The following PIBF1 variants were observed in gnomAD, a reference collection of about 807,000 sequenced individuals.
The protein encoded by PIBF1 is progesterone-induced-blocking factor 1.
A neutral mutation model predicts 112.5 loss-of-function variants in PIBF1; 90 were observed. The observed-to-expected ratio is 0.80, with a 90% CI of 0.67 to 0.95. PIBF1 has a LOEUF of 0.95. PIBF1 is among the 40% of genes least tolerant of loss of function. The probability of loss-of-function intolerance (pLI) is 0.00; values close to 1 mark genes in which losing one functional copy is unlikely to be tolerated. For synonymous variants in PIBF1, 301 were observed against 288.6 expected (o/e 1.04, Z -0.44); for missense variants, 915 against 852.3 (o/e 1.07, Z -0.92).
At chr13:72,835,461 C>A (rs373986227) in intron 9 of PIBF1, 93 bp downstream of exon 9, 3 of 921,958 alleles carry the variant, frequency 3.3e-6, no homozygotes, top group Non-Finnish European at 4.6e-6. Flanking sequence ...TATATAATGT[C>A]TTTTTTAATA....
chr13:72,894,106 G>A (rs1251656265), intron 11 of PIBF1, among the ~76,000 whole-genome samples, 157 bp downstream of exon 11: 2 of 142,500 alleles, frequency 1.4e-5, no homozygotes, highest in Non-Finnish European at 1.5e-5. Context: ...TCAGAAAGAT[G>A]TATACTGAAA....
At chr13:72,927,548 A>G (rs1446225015) in intron 13 of PIBF1, among the ~76,000 whole-genome samples, 1 of 152,020 alleles carries the variant, frequency 6.6e-6, no homozygotes, top group Non-Finnish European at 1.5e-5. Flanking sequence ...CACCACACCC[A>G]GATAATTTTC....
At chr13:72,886,049 T>C (rs2039837194) in intron 10 of PIBF1, among the ~76,000 whole-genome samples, 1 of 152,192 alleles carries the variant, frequency 6.6e-6, no homozygotes, top group Admixed American at 6.5e-5. Flanking sequence ...TTTTGCCTTT[T>C]ACAATATGTA....
chr13:72,791,041 G>T (rs1329488219), intron 2 of PIBF1, among the ~76,000 whole-genome samples: 2 of 111,576 alleles, frequency 1.8e-5, no homozygotes, highest in East Asian at 6.4e-4. Flanking sequence ...ATGTATTTTT[G>T]TTTGTTTGTT....
At chr13:72,998,214 C>G (rs1195228283) in intron 16 of PIBF1, among the ~76,000 whole-genome samples, 2 of 152,208 alleles carry the variant, frequency 1.3e-5, no homozygotes, top group African/African-American at 4.8e-5. Flanking sequence ...ATAGTCTACT[C>G]AGCGAATATA....
chr13:73,016,426 G>C lies in PIBF1; in HGVS notation c.*507G>C, dbSNP rs1022864138. 2 of 151,888 alleles carry C rather than the reference G, an allele frequency of 1.3e-5. No homozygotes were observed. The highest frequency in any genetic ancestry group is 2.9e-5 in the Non-Finnish European group (2 of 67,998). The allele number at this position is 151,888 out of a possible 1,614,324, so 9.4% of individuals were successfully genotyped here. A position where few individuals can be genotyped will look rare whatever the true frequency, so the allele number is the denominator to read the frequency against. On this transcript the variant is annotated 3_prime_UTR_variant, in exon 18 of 18. Transcript: ENST00000326291. Reference sequence around the variant, plus strand: ...ATATTACCATTAACCAATAAAATCTGGCAGAAAGTCTGCTATTCCATTGGT... The same window carrying C: ...ATATTACCATTAACCAATAAAATCTCGCAGAAAGTCTGCTATTCCATTGGT...
chr13:72,900,777 C>G (rs551974214), intron 11 of PIBF1, among the ~76,000 whole-genome samples: 1 of 152,268 alleles, frequency 6.6e-6, no homozygotes, highest in African/African-American at 2.4e-5. Context: ...AATTCCAGCA[C>G]TTTGGGAGGC....
At chr13:73,013,926 C>A (rs1327681674) in intron 17 of PIBF1, among the ~76,000 whole-genome samples, 1 of 152,096 alleles carries the variant, frequency 6.6e-6, no homozygotes, top group African/African-American at 2.4e-5. Context: ...CTGTACCCTG[C>A]AAAATTATTC....
Position 72,938,870 on chromosome 13 carries a change from A to G in PIBF1, c.1833+7603A>G, listed in dbSNP as rs535047193. On this transcript the variant is annotated intron_variant, in intron 14 of 17. Transcript: ENST00000326291. Reference sequence around the variant, plus strand: ...TAACTCTAGCCATCCTGGCAATTACAAAGTAGTATCTTCTAATGATTTTGC... The same window carrying G: ...TAACTCTAGCCATCCTGGCAATTACGAAGTAGTATCTTCTAATGATTTTGC... Among the ~76,000 whole-genome samples the G allele has an allele frequency of 2.0e-5, 3 of 152,292 alleles. No individual in the cohort carries two copies. The South Asian group carries it at 6.2e-4, about 32-fold the overall frequency.
intron 15 of PIBF1, among the ~76,000 whole-genome samples, chr13:72,968,009 C>A (rs1167218866): frequency 6.6e-6 from 1 of 151,932 alleles, no homozygotes; most frequent in African/African-American, 2.4e-5. Context: ...CACGGTGAAA[C>A]CCTGTCTCTA....
intron 14 of PIBF1, among the ~76,000 whole-genome samples, chr13:72,943,616 A>G (rs2042069271): frequency 6.6e-6 from 1 of 152,172 alleles, no homozygotes; most frequent in African/African-American, 2.4e-5. Context: ...GGCCAATTTG[A>G]TTCTAATCTA....
chr13:72,915,336 G>A (rs974201703), intron 12 of PIBF1, among the ~76,000 whole-genome samples: 2 of 152,020 alleles, frequency 1.3e-5, no homozygotes, highest in Non-Finnish European at 2.9e-5. Flanking sequence ...GTTGCCCTGC[G>A]CTCTGCTTCT....
At chr13:72,926,104 T>G (rs1194941802) in intron 13 of PIBF1, among the ~76,000 whole-genome samples, 2 of 152,216 alleles carry the variant, frequency 1.3e-5, no homozygotes, top group Non-Finnish European at 2.9e-5. Context: ...TTTGGTATCA[T>G]ATGAGGTAAG....
intron 12 of PIBF1, among the ~76,000 whole-genome samples, chr13:72,909,542 T>A (rs949941262): frequency 1.3e-5 from 2 of 151,828 alleles, no homozygotes; most frequent in African/African-American, 4.8e-5. Flanking sequence ...TTGCCCAGGC[T>A]GGATTGCAAC....
In PIBF1 at chr13:73,006,107, C is replaced by T. The variant is rs532885821; in HGVS notation, c.2223+7112C>T. Among the ~76,000 whole-genome samples the T allele has an allele frequency of 9.9e-5, 15 of 151,818 alleles. No homozygotes were observed. In the South Asian group the frequency reaches 2.9e-3, roughly 30 times the overall value. ...ATAATTTTTGTGTTTTTAGTAAAGA[C>T]GGGGTTTCACCATATTGGCCATGCT... On this transcript the variant is annotated intron_variant, in intron 17 of 17. Coordinates refer to ENST00000326291, the MANE Select transcript of PIBF1 (RefSeq NM_006346.4).
At chr13:72,798,812 G>A (rs533604218) in intron 5 of PIBF1, among the ~76,000 whole-genome samples, 1 of 152,266 alleles carries the variant, frequency 6.6e-6, no homozygotes, top group African/African-American at 2.4e-5. Flanking sequence ...AACACTTCTA[G>A]TTTACAAATG....
intron 9 of PIBF1, among the ~76,000 whole-genome samples, chr13:72,849,145 A>C (rs1273540812): frequency 3.3e-5 from 5 of 152,244 alleles, no homozygotes; most frequent in Non-Finnish European, 7.3e-5. Context: ...GGAAAAATAC[A>C]TATGTGTATA....
chr13:72,796,545 CTA>C (rs945778271), intron 4 of PIBF1, among the ~76,000 whole-genome samples: 14 of 151,824 alleles, frequency 9.2e-5, no homozygotes, highest in African/African-American at 3.1e-4. Context: ...AAAATGTTGT[CTA>C]TTGTTTTTGC....
chr13:72,796,285 T>C (rs1226776154), intron 4 of PIBF1, among the ~76,000 whole-genome samples: 1 of 152,192 alleles, frequency 6.6e-6, no homozygotes, highest in African/African-American at 2.4e-5. Flanking sequence ...AAAGTCGTTT[T>C]GATCTTGTGA....
Sources: allele counts gnomAD v4.1 joint callset (sites outside exome capture counted in the v4.1 genomes callset), GRCh38; gene constraint gnomAD v4.1.1; transcripts MANE v1.5; gene names NCBI Gene and HGNC (gene_info 2026-07-23, HGNC 2026-07-21).